The following FEM1C variants were observed in gnomAD, a reference collection of about 807,000 sequenced individuals.
FEM1C encodes the protein fem-1 homolog C.
In FEM1C, 15 loss-of-function variants were observed where a neutral mutation model predicts 37.6. The observed-to-expected ratio is 0.40, with a 90% confidence interval of 0.27 to 0.61. The LOEUF (loss-of-function observed/expected upper bound fraction) is 0.61. Among genes scored for constraint, FEM1C ranks in the 20% least tolerant of loss-of-function variants. FEM1C has a pLI of 0.42. For synonymous variants in FEM1C, 287 were observed against 272.8 expected (o/e 1.05, Z -0.51); for missense variants, 532 against 749.7 (o/e 0.71, Z 3.39).
chr5:115,543,535 G>A lies in FEM1C; in HGVS notation c.-42C>T, dbSNP rs761547477. 3.2e-6 allele frequency: 5 copies of A among 1,542,640 alleles called. No individual in the cohort carries two copies. The highest frequency in any genetic ancestry group is 2.0e-5 in the Admixed American group (1 of 50,898). ...GGCTGTGCTTTATTTATCTTTCAAAGCAGAGCTCCAGTTTAACTCTATCGA... is the reference window on the plus strand; with the variant it reads ...GGCTGTGCTTTATTTATCTTTCAAAACAGAGCTCCAGTTTAACTCTATCGA... On this transcript the variant is annotated 5_prime_UTR_variant, in exon 2 of 3. Transcript: ENST00000274457.
At chr5:115,537,849 T>C (rs1358975866) in intron 2 of FEM1C, among the ~76,000 whole-genome samples, 1 of 152,082 alleles carries the variant, frequency 6.6e-6, no homozygotes, top group Non-Finnish European at 1.5e-5. Context: ...CAGATAGTAC[T>C]AAAGTATACT....
chr5:115,528,353 G>A (rs1176296484), intron 2 of FEM1C, among the ~76,000 whole-genome samples: 1 of 152,160 alleles, frequency 6.6e-6, no homozygotes, highest in Non-Finnish European at 1.5e-5. Context: ...CACCAATTCT[G>A]GAAGAGCTAG....
chr5:115,536,689 A>T (rs1010806701), intron 2 of FEM1C, among the ~76,000 whole-genome samples: 1 of 151,992 alleles, frequency 6.6e-6, no homozygotes, highest in African/African-American at 2.4e-5. Context: ...GAAGTTCAAA[A>T]AAAAGGAAAT....
intron 2 of FEM1C, among the ~76,000 whole-genome samples, chr5:115,527,150 C>A (rs1402379920): frequency 6.6e-6 from 1 of 152,100 alleles, no homozygotes; most frequent in African/African-American, 2.4e-5. Flanking sequence ...AGCTGCATGT[C>A]CTTATGACAT....
chr5:115,528,493 G>A (rs755975089), intron 2 of FEM1C, among the ~76,000 whole-genome samples: 37 of 152,154 alleles, frequency 2.4e-4, no homozygotes, highest in Non-Finnish European at 5.3e-4. Context: ...TTAACCCTAG[G>A]GAGTTAAAGT....
At position 115,543,596 on chromosome 5, in the gene FEM1C, T is replaced by C; in HGVS notation, c.-103A>G. ...AGTCACAGGAACCAAAGTCCAATGT[T>C]AATTGCTGCACCCCAGAACGGATAC... On this transcript the variant is annotated 5_prime_UTR_variant, in exon 2 of 3. It removes the in-frame stop codon of an upstream open reading frame in the 5' UTR. Coordinates refer to ENST00000274457, the MANE Select transcript of FEM1C (RefSeq NM_020177.3). 6.7e-7 allele frequency: 1 copy of C among 1,488,224 alleles called. No individual in the cohort carries two copies. The highest frequency in any genetic ancestry group is 8.9e-7 in the Non-Finnish European group (1 of 1,128,942). 92.2% of individuals were successfully genotyped at this position (1,488,224 alleles called of 1,614,324 possible).
At position 115,525,295 on chromosome 5, in the gene FEM1C, T is replaced by C; in HGVS notation, c.867A>G (p.Pro289=). Residue 289 remains proline, a synonymous_variant, in exon 3 of 3, where the codon CCA becomes CCG. Transcript: ENST00000274457. ...AATCATAAGCCATTATTAGTGTCTG[T>C]GGCACTGGTTTACTAATAATATTAG... ...DRTNIISKPV[P]QTLIMAYDYA... 1 of 1,613,778 alleles carries C rather than the reference T, an allele frequency of 6.2e-7. No individual in the cohort carries two copies. Among genetic ancestry groups the C allele is most frequent in the Non-Finnish European group, 8.5e-7 (1 of 1,179,834 alleles).
chr5:115,524,885 A>T lies in FEM1C; in HGVS notation c.1277T>A (p.Ile426Asn), dbSNP rs1208513425. ...CKSVLEIERA[I>N]KQTQCPADPL... is the part of the protein sequence containing the mutation. Reference sequence around the variant, plus strand: ...GTCAGCTGGACACTGAGTTTGTTTGATAGCTCGCTCTATTTCAAGGACGCT... The same window carrying T: ...GTCAGCTGGACACTGAGTTTGTTTGTTAGCTCGCTCTATTTCAAGGACGCT... The change falls in exon 3 of 3, where the codon ATC (isoleucine) becomes AAC (asparagine). Residue 426 changes from isoleucine (I) to asparagine (N), a missense_variant. By Grantham distance (149) the Ile-to-Asn change is moderately radical. Transcript: ENST00000274457. 6.2e-7 allele frequency: 1 copy of T among 1,613,796 alleles called. No homozygotes were observed. Among genetic ancestry groups the T allele is most frequent in the Non-Finnish European group, 8.5e-7 (1 of 1,179,836 alleles).
At position 115,524,257 on chromosome 5, in the gene FEM1C, A is replaced by G; in HGVS notation, c.*51T>C. 6.1e-6 allele frequency: 9 copies of G among 1,474,090 alleles called. No individual in the cohort carries two copies. Among genetic ancestry groups the G allele is most frequent in the Non-Finnish European group, 7.6e-6 (8 of 1,058,820 alleles). The allele number at this position is 1,474,090 out of a possible 1,614,324, so 91.3% of individuals were successfully genotyped here. A position where few individuals can be genotyped will look rare whatever the true frequency, so the allele number is the denominator to read the frequency against. ...TTATCACAACAGTGCTCATTTATGA[A>G]ACAACTGTTACCAATTCGTGCTTTA... On this transcript the variant is annotated 3_prime_UTR_variant, in exon 3 of 3. Transcript: ENST00000274457.
intron 1 of FEM1C, chr5:115,544,093 G>A: frequency 1.0e-6 from 1 of 985,468 alleles, no homozygotes; most frequent in Non-Finnish European, 1.2e-6. Flanking sequence ...AGGCTGGAAG[G>A]CCTGAGGCCG....
At chr5:115,537,029 T>C (rs1005872727) in intron 2 of FEM1C, among the ~76,000 whole-genome samples, 8 of 152,022 alleles carry the variant, frequency 5.3e-5, no homozygotes, top group South Asian at 2.1e-4. Flanking sequence ...TTCAACATTA[T>C]AATTCCCTGT....
intron 2 of FEM1C, among the ~76,000 whole-genome samples, chr5:115,527,837 C>G (rs1753926843): frequency 6.6e-6 from 1 of 151,816 alleles, no homozygotes; most frequent in African/African-American, 2.4e-5. Flanking sequence ...CTTGTCTCTA[C>G]TAAAAACACA....
At position 115,522,764 on chromosome 5, in the gene FEM1C, T is replaced by C. The variant is rs1753801976; in HGVS notation, c.*1544A>G. The stretch of plus-strand genomic sequence containing the variant: ...AGTTTTTCTCAAATCAATAAGGAGC[T>C]TTTTATTGAGAACAACTTCATTAAG... On this transcript the variant is annotated 3_prime_UTR_variant, in exon 3 of 3. Coordinates refer to ENST00000274457, the MANE Select transcript of FEM1C (RefSeq NM_020177.3). 6.6e-6 allele frequency: 1 copy of C among 152,486 alleles called. No individual in the cohort carries two copies. Among genetic ancestry groups the C allele is most frequent in the African/African-American group, 2.4e-5 (1 of 41,452 alleles). The allele number at this position is 152,486 out of a possible 1,614,324, so 9.4% of individuals were successfully genotyped here.
intron 2 of FEM1C, among the ~76,000 whole-genome samples, chr5:115,537,812 G>A (rs964813050): frequency 2.0e-5 from 3 of 151,954 alleles, no homozygotes; most frequent in Admixed American, 6.6e-5. Flanking sequence ...AGTCAAGAAG[G>A]AAAAGAGAAC....
At chr5:115,537,267 T>C (rs1249001266) in intron 2 of FEM1C, among the ~76,000 whole-genome samples, 1 of 152,008 alleles carries the variant, frequency 6.6e-6, no homozygotes, top group Non-Finnish European at 1.5e-5. Context: ...ACATATTTTA[T>C]CAACCAATCA....
chr5:115,537,271 CCAAT>C (rs1484322413), intron 2 of FEM1C, among the ~76,000 whole-genome samples: 1 of 152,004 alleles, frequency 6.6e-6, no homozygotes, highest in African/African-American at 2.4e-5. Flanking sequence ...ATTTTATCAA[CCAAT>C]CAATGAAAAT....
In FEM1C at chr5:115,524,458, C is replaced by A; in HGVS notation, c.1704G>T (p.Leu568=). ...AATTTTTAGCTATTTCCTTCTCATC[C>A]AGCAAGTCACTAGCAGTTTGTTTGT... The part of the protein sequence containing the change: ...NLHKQTASDL[L]DEKEIAKNLI... Residue 568 remains leucine (L), a synonymous_variant, in exon 3 of 3, where the codon CTG becomes CTT. Coordinates refer to ENST00000274457, the MANE Select transcript of FEM1C (RefSeq NM_020177.3). The A allele has an allele frequency of 6.2e-7, 1 of 1,613,054 alleles. No individual in the cohort carries two copies. The highest frequency in any genetic ancestry group is 1.1e-5 in the South Asian group (1 of 90,914).
chr5:115,524,079 T>C lies in FEM1C; in HGVS notation c.*229A>G, dbSNP rs1440774791. ...AGCCTTTGGCAGACAATTTTAGAAA[T>C]TTGAATGTTACATTTCTCAATAATT... On this transcript the variant is annotated 3_prime_UTR_variant, in exon 3 of 3. Transcript: ENST00000274457. The C allele has an allele frequency of 2.3e-6, 1 of 443,568 alleles. No individual in the cohort carries two copies. Among genetic ancestry groups the C allele is most frequent in the Non-Finnish European group, 3.9e-6 (1 of 253,292 alleles). 27.5% of individuals were successfully genotyped at this position (443,568 alleles called of 1,614,324 possible). A position where few individuals can be genotyped will look rare whatever the true frequency, so the allele number is the denominator to read the frequency against.
rs1179338563 is a variant in FEM1C, at chr5:115,543,328, T to C, written c.166A>G (p.Met56Val). The C allele has an allele frequency of 3.1e-6, 5 of 1,614,076 alleles. No individual in the cohort carries two copies. The highest frequency in any genetic ancestry group is 1.1e-5 in the South Asian group (1 of 91,084). ...CATTGCTCTAGGAGGAATTCCACCA[T>C]GTCAAGGTGCCCATACCTGGCGGCC... is the stretch of plus-strand genomic sequence containing the variant. ...LMAARYGHLD[M>V]VEFLLEQCSA... The change falls in exon 2 of 3, where the codon ATG (methionine) becomes GTG (valine). Residue 56 changes from methionine (M) to valine (V), a missense_variant. Coordinates refer to ENST00000274457, the MANE Select transcript of FEM1C (RefSeq NM_020177.3).
Sources: gnomAD v4.1 joint callset for allele counts (sites outside exome capture counted in the v4.1 genomes callset) on GRCh38, gnomAD v4.1.1 for gene constraint, MANE v1.5 for transcripts, NCBI Gene and HGNC (gene_info 2026-07-23, HGNC 2026-07-21) for gene names.